Variants in GRM1 observed in about 807,000 individuals in gnomAD.
GRM1 encodes the protein glutamate metabotropic receptor 1.
Under a neutral mutation model 90.9 loss-of-function variants are expected in GRM1, and 33 were observed. The ratio of observed to expected loss-of-function variants is 0.36; its 90% CI spans 0.28 to 0.49. The LOEUF (loss-of-function observed/expected upper bound fraction) is 0.49. Among genes scored for constraint, GRM1 ranks in the 20% least tolerant of loss-of-function variants. The probability of loss-of-function intolerance (pLI) is 0.99; values close to 1 mark genes in which losing one functional copy is unlikely to be tolerated. For missense variants in GRM1, 1,190 were observed against 1,534.3 expected (o/e 0.78, Z 3.75); for synonymous variants, 700 against 613.2 (o/e 1.14, Z -2.09).
At chr6:146,285,568 A>C (rs143652466) in intron 2 of GRM1, among the ~76,000 whole-genome samples, 1 of 152,286 alleles carries the variant, frequency 6.6e-6, no homozygotes, top group Non-Finnish European at 1.5e-5. Context: ...CATTAGATTC[A>C]TATTGTGCTC....
At chr6:146,122,957 G>A (rs2128877820) in intron 1 of GRM1, among the ~76,000 whole-genome samples, 1 of 146,264 alleles carries the variant, frequency 6.8e-6, no homozygotes, top group African/African-American at 2.5e-5. Flanking sequence ...CTATTCTCCT[G>A]CCTCAGGCTC....
intron 2 of GRM1, among the ~76,000 whole-genome samples, chr6:146,250,825 A>G (rs929872546): frequency 6.6e-6 from 1 of 152,202 alleles, no homozygotes; most frequent in Non-Finnish European, 1.5e-5. Flanking sequence ...AATGTAGCTG[A>G]CAGATTTAAG....
intron 1 of GRM1, among the ~76,000 whole-genome samples, chr6:146,084,948 G>A (rs1025700747): frequency 4.6e-5 from 7 of 151,996 alleles, no homozygotes; most frequent in Non-Finnish European, 1.0e-4. Flanking sequence ...CAAATCCTCA[G>A]GATTATACAA....
intron 2 of GRM1, among the ~76,000 whole-genome samples, chr6:146,248,409 G>A (rs560810636): frequency 6.6e-6 from 1 of 152,274 alleles, no homozygotes; most frequent in African/African-American, 2.4e-5. Flanking sequence ...TCATGGAGGT[G>A]GTTTCTCCCA....
At position 146,435,074 on chromosome 6, in the gene GRM1, G is replaced by A. The variant is rs1333914877; in HGVS notation, c.*278G>A. ...TTCTGACAAAGCACAATTCCATATG[G>A]TATGTAACTTTTATCACAAATCAAA... On this transcript the variant is annotated 3_prime_UTR_variant, in exon 8 of 8. Coordinates refer to ENST00000282753, the MANE Select transcript of GRM1 (RefSeq NM_001278064.2). 2 of 560,244 alleles carry A rather than the reference G, an allele frequency of 3.6e-6. No homozygotes were observed. The highest frequency in any genetic ancestry group is 6.4e-6 in the Non-Finnish European group (2 of 312,220). The allele number at this position is 560,244 out of a possible 1,614,324, so 34.7% of individuals were successfully genotyped here.
At chr6:146,389,842 A>G (rs937987810) in intron 6 of GRM1, among the ~76,000 whole-genome samples, 7 of 152,050 alleles carry the variant, frequency 4.6e-5, no homozygotes, top group Non-Finnish European at 1.0e-4. Flanking sequence ...TTAATGATCC[A>G]TATTGATTCT....
intron 5 of GRM1, among the ~76,000 whole-genome samples, chr6:146,373,349 T>C (rs1162445886): frequency 1.3e-5 from 2 of 152,176 alleles, no homozygotes; most frequent in African/African-American, 4.8e-5. Flanking sequence ...CTTACAATCA[T>C]GGCAGAAGGT....
intron 2 of GRM1, among the ~76,000 whole-genome samples, chr6:146,205,000 A>C (rs1779444369): frequency 6.6e-6 from 1 of 152,152 alleles, no homozygotes; most frequent in South Asian, 2.1e-4. Context: ...GTGTTATGTA[A>C]TATTTTGTTA....
chr6:146,129,299 T>G (rs1448463545), intron 1 of GRM1, among the ~76,000 whole-genome samples: 3 of 152,228 alleles, frequency 2.0e-5, no homozygotes, highest in Non-Finnish European at 4.4e-5. Context: ...AAGCAGTGAC[T>G]GGTTTCAGAG....
intron 5 of GRM1, among the ~76,000 whole-genome samples, chr6:146,361,187 G>A (rs549932426): frequency 1.3e-5 from 2 of 152,190 alleles, no homozygotes; most frequent in Non-Finnish European, 2.9e-5. Context: ...TCCTGCTATG[G>A]TGAGTCCAAC....
intron 2 of GRM1, among the ~76,000 whole-genome samples, chr6:146,246,759 C>A (rs1283367535): frequency 6.6e-6 from 1 of 152,056 alleles, no homozygotes; most frequent in African/African-American, 2.4e-5. Flanking sequence ...ACATATTGTA[C>A]TTTGATGAAA....
chr6:146,277,098 G>A (rs922388378), intron 2 of GRM1, among the ~76,000 whole-genome samples: 1 of 152,114 alleles, frequency 6.6e-6, no homozygotes, highest in African/African-American at 2.4e-5. Context: ...TGAGACTCTT[G>A]TCTTCAAAAA....
chr6:146,294,236 A>C (rs1156415608), intron 2 of GRM1, among the ~76,000 whole-genome samples: 9 of 151,792 alleles, frequency 5.9e-5, no homozygotes, highest in Admixed American at 3.3e-4. Flanking sequence ...TTTCCTCCTA[A>C]GAACTCTTTA....
chr6:146,159,272 A>C (rs889291016), intron 1 of GRM1, 76 bp from the exon 2 acceptor site: 3 of 1,583,524 alleles, frequency 1.9e-6, no homozygotes, highest in Admixed American at 3.3e-5. Flanking sequence ...CCTGTGACTA[A>C]CAAGTTGTTA....
intron 3 of GRM1, among the ~76,000 whole-genome samples, chr6:146,310,818 AC>A (rs1783746632): frequency 1.3e-5 from 2 of 152,214 alleles, no homozygotes; most frequent in Admixed American, 6.5e-5. Flanking sequence ...TCCCTGGCCA[AC>A]CCACCACCTG....
chr6:146,160,482 A>G (rs1376291212), intron 2 of GRM1, among the ~76,000 whole-genome samples: 3 of 152,178 alleles, frequency 2.0e-5, no homozygotes, highest in Non-Finnish European at 1.5e-5. Context: ...CCAGGAACCT[A>G]CTGAGTTTAC....
intron 2 of GRM1, among the ~76,000 whole-genome samples, chr6:146,178,806 T>G (rs1778431105): frequency 1.3e-5 from 2 of 152,252 alleles, no homozygotes; most frequent in African/African-American, 4.8e-5. Context: ...TATTCATGTT[T>G]GGGACTATCT....
At chr6:146,338,864 G>T (rs1169012844) in intron 3 of GRM1, among the ~76,000 whole-genome samples, 1 of 152,046 alleles carries the variant, frequency 6.6e-6, no homozygotes, top group Non-Finnish European at 1.5e-5. Context: ...ATGCTACTTA[G>T]CAGCCCCTTC....
chr6:146,155,456 G>A (rs1777489830), intron 1 of GRM1, among the ~76,000 whole-genome samples: 1 of 152,166 alleles, frequency 6.6e-6, no homozygotes, highest in Non-Finnish European at 1.5e-5. Flanking sequence ...TATAATGTTT[G>A]TACAATGACA....
Sources: gnomAD v4.1 joint callset for allele counts (sites outside exome capture counted in the v4.1 genomes callset) on GRCh38, gnomAD v4.1.1 for gene constraint, MANE v1.5 for transcripts, NCBI Gene and HGNC (gene_info 2026-07-23, HGNC 2026-07-21) for gene names.